HMGCLL1: variants seen among roughly 807,000 people sequenced by gnomAD.
The protein encoded by HMGCLL1 is 3-hydroxymethyl-3-methylglutaryl-CoA lyase, cytoplasmic.
In HMGCLL1, 36 loss-of-function variants were observed where a neutral mutation model predicts 39.1. That is an observed-to-expected ratio of 0.92 (90% CI 0.71 to 1.22). The LOEUF is 1.22. Among genes scored for constraint, HMGCLL1 ranks in the 50% most tolerant of loss-of-function variants. HMGCLL1 has a pLI of 0.00. For missense variants in HMGCLL1, 451 were observed against 416.5 expected (o/e 1.08, Z -0.72); for synonymous variants, 149 against 144.0 (o/e 1.03, Z -0.25).
intron 1 of HMGCLL1, among the ~76,000 whole-genome samples, chr6:55,560,553 C>G (rs1008848826): frequency 5.9e-5 from 9 of 152,054 alleles, no homozygotes; most frequent in Non-Finnish European, 1.3e-4. Context: ...ATATATACAC[C>G]TTCAGTGCTT....
intron 3 of HMGCLL1, 40 bp downstream of exon 3, chr6:55,541,689 T>TAAA (rs767589471): frequency 1.1e-5 from 11 of 1,005,440 alleles, no homozygotes; most frequent in Non-Finnish European, 1.7e-5. Context: ...TTTGGTGAAG[T>TAAA]TGAATTAGGA....
chr6:55,539,625 C>T (rs1208436171), intron 3 of HMGCLL1, among the ~76,000 whole-genome samples: 1 of 151,552 alleles, frequency 6.6e-6, no homozygotes, highest in East Asian at 1.9e-4. Context: ...ACTGCATGTT[C>T]TCATACATAA....
intron 2 of HMGCLL1, 102 bp downstream of exon 2, chr6:55,541,958 A>C: frequency 2.1e-6 from 2 of 969,924 alleles, no homozygotes; most frequent in Non-Finnish European, 3.1e-6. Context: ...GTAGCAATTG[A>C]GAAAAAATAT....
At chr6:55,678,020 G>A in the HMGCLL1 span, among the ~76,000 whole-genome samples, 1 of 152,138 alleles carries the variant, frequency 6.6e-6, no homozygotes, top group South Asian at 2.1e-4. Context: ...CTAGATTCAT[G>A]AACATACTCT....
the HMGCLL1 span, among the ~76,000 whole-genome samples, chr6:55,621,203 T>C: frequency 3.9e-5 from 6 of 152,202 alleles, no homozygotes; most frequent in African/African-American, 1.4e-4. Context: ...AATCTGTAGA[T>C]GGCCTTGGGT....
intron 1 of HMGCLL1, among the ~76,000 whole-genome samples, chr6:55,567,507 C>G (rs75978477): frequency 0.019 from 2,963 of 152,212 alleles, 46 homozygotes; most frequent in South Asian, 0.083. Flanking sequence ...CAAATCCCAC[C>G]TGACCCTCAC....
At chr6:55,609,575 C>A in the HMGCLL1 span, among the ~76,000 whole-genome samples, 5 of 152,252 alleles carry the variant, frequency 3.3e-5, no homozygotes, top group East Asian at 9.7e-4. Flanking sequence ...CTCCATGGAC[C>A]AGCAGACTTA....
At chr6:55,551,197 AAAG>A (rs1201526784) in intron 1 of HMGCLL1, among the ~76,000 whole-genome samples, 1 of 151,938 alleles carries the variant, frequency 6.6e-6, no homozygotes, top group Non-Finnish European at 1.5e-5. Flanking sequence ...TACACTGGGT[AAAG>A]AAGAATACCA....
intron 1 of HMGCLL1, among the ~76,000 whole-genome samples, chr6:55,554,495 C>G (rs1276651332): frequency 6.6e-6 from 1 of 152,086 alleles, no homozygotes; most frequent in Non-Finnish European, 1.5e-5. Flanking sequence ...CCCAGTTATT[C>G]ATTTAGCCAT....
chr6:55,586,397 G>GTTT, the HMGCLL1 span, among the ~76,000 whole-genome samples: 13,096 of 150,172 alleles, frequency 0.087, 730 homozygotes, highest in Non-Finnish European at 0.13. Context: ...ATGGAAATCA[G>GTTT]TTTTTTTTTT....
upstream of HMGCLL1, among the ~76,000 whole-genome samples, chr6:55,581,849 T>C (rs989977147): frequency 2.0e-5 from 3 of 151,908 alleles, no homozygotes; most frequent in Admixed American, 6.6e-5. Context: ...CAGAAGAAGA[T>C]ACGAACATTC....
chr6:55,462,959 G>A (rs1044897546), intron 7 of HMGCLL1, among the ~76,000 whole-genome samples: 5 of 151,922 alleles, frequency 3.3e-5, no homozygotes, highest in Non-Finnish European at 7.4e-5. Context: ...GGAACAATAT[G>A]TAGGGTCAAA....
At chr6:55,504,467 C>T (rs960589626) in intron 5 of HMGCLL1, among the ~76,000 whole-genome samples, 1 of 151,738 alleles carries the variant, frequency 6.6e-6, no homozygotes, top group East Asian at 1.9e-4. Context: ...GCTAAAAACT[C>T]TTTGAAGTTA....
In HMGCLL1 at chr6:55,555,237, G is replaced by T. The variant is rs547031330; in HGVS notation, c.109-13097C>A. ...CTTGAACACCTGAGCATTTGCATTT[G>T]CCCCTGTTGGACTGTTCTTCCCCTA... On this transcript the variant is annotated intron_variant, in intron 1 of 8. Coordinates refer to ENST00000274901, the MANE Select transcript of HMGCLL1 (RefSeq NM_001042406.2). 2.0e-5 allele frequency among the ~76,000 whole-genome samples: 3 copies of T among 152,186 alleles called. No homozygotes were observed. The South Asian group carries it at 6.2e-4, about 32-fold the overall frequency.
In HMGCLL1 at chr6:55,543,171, T is replaced by TATAATAC. The variant is rs1268645550; in HGVS notation, c.109-1032_109-1031insGTATTAT. Among the ~76,000 whole-genome samples the TATAATAC allele has an allele frequency of 7.4e-4, 6 of 8,068 alleles. 1 individual carries two copies. The highest frequency in any genetic ancestry group is 1.8e-3 in the Non-Finnish European group (6 of 3,258). The allele number at this position is 8,068 out of a possible 152,430, so 5.3% of individuals were successfully genotyped here. On this transcript the variant is annotated intron_variant, in intron 1 of 8. Coordinates refer to ENST00000274901, the MANE Select transcript of HMGCLL1 (RefSeq NM_001042406.2). ...TATTATATATATTATATATATAATA[T>TATAATAC]ATAATATATAATATATAATATATTA...
At chr6:55,477,288 TA>T (rs1430024885) in intron 7 of HMGCLL1, among the ~76,000 whole-genome samples, 3 of 16,520 alleles carry the variant, frequency 1.8e-4, no homozygotes, top group Non-Finnish European at 2.4e-4. Context: ...ATATATTATA[TA>T]TAAAATAATA....
chr6:55,538,388 T>C (rs1769150418), intron 3 of HMGCLL1, among the ~76,000 whole-genome samples: 1 of 152,116 alleles, frequency 6.6e-6, no homozygotes, highest in Non-Finnish European at 1.5e-5. Context: ...AATAATCAAA[T>C]ATGTGAAATT....
chr6:55,552,041 T>C (rs1318561288), intron 1 of HMGCLL1, among the ~76,000 whole-genome samples: 1 of 151,952 alleles, frequency 6.6e-6, no homozygotes, highest in Non-Finnish European at 1.5e-5. Context: ...GTTCTAACTA[T>C]ATGAAAGGAA....
intron 7 of HMGCLL1, among the ~76,000 whole-genome samples, chr6:55,463,624 G>C (rs1328016323): frequency 6.6e-6 from 1 of 151,880 alleles, no homozygotes; most frequent in Non-Finnish European, 1.5e-5. Flanking sequence ...CAAACATTGG[G>C]GCAACTGCAG....
Sources: allele counts gnomAD v4.1 joint callset (sites outside exome capture counted in the v4.1 genomes callset), GRCh38; gene constraint gnomAD v4.1.1; transcripts MANE v1.5; gene names NCBI Gene and HGNC (gene_info 2026-07-23, HGNC 2026-07-21).